Variants in OSBPL10 observed in about 807,000 individuals in gnomAD.
OSBPL10 encodes the protein oxysterol binding protein like 10.
Under a neutral mutation model 81.7 loss-of-function variants are expected in OSBPL10, and 49 were observed. That is an observed-to-expected ratio of 0.60 (90% CI 0.48 to 0.76). OSBPL10 has a LOEUF of 0.76. OSBPL10 is among the 30% of genes least tolerant of loss of function. The pLI is 0.00. For synonymous variants in OSBPL10, 419 were observed against 383.6 expected (o/e 1.09, Z -1.08); for missense variants, 923 against 987.8 (o/e 0.93, Z 0.88).
chr3:31,972,147 G>C (rs377464017), intron 1 of OSBPL10, among the ~76,000 whole-genome samples: 115 of 152,316 alleles, frequency 7.6e-4, no homozygotes, highest in African/African-American at 2.6e-3. Context: ...CCAGCACTTC[G>C]GGAGGCCAAG....
intron 6 of OSBPL10, among the ~76,000 whole-genome samples, chr3:31,721,120 T>G (rs1328452170): frequency 1.3e-5 from 2 of 151,872 alleles, no homozygotes; most frequent in African/African-American, 4.8e-5. Flanking sequence ...GGAAGCAGGG[T>G]CAATGCTGTT....
At chr3:31,835,979 T>C (rs1401826364) in intron 3 of OSBPL10, among the ~76,000 whole-genome samples, 1 of 152,242 alleles carries the variant, frequency 6.6e-6, no homozygotes, top group Non-Finnish European at 1.5e-5. Context: ...TTTTGCTTAA[T>C]TGCTTCATAT....
chr3:31,804,918 G>C (rs796596634), intron 4 of OSBPL10, among the ~76,000 whole-genome samples: 5 of 152,242 alleles, frequency 3.3e-5, no homozygotes, highest in African/African-American at 1.2e-4. Flanking sequence ...TGTTTGGTGG[G>C]AATGATTTTA....
chr3:31,792,651 CTGTGTGTGTGT>C (rs895488385), intron 4 of OSBPL10, among the ~76,000 whole-genome samples: 2 of 150,370 alleles, frequency 1.3e-5, no homozygotes, highest in African/African-American at 4.9e-5. Flanking sequence ...TCCAGACACA[CTGTGTGTGTGT>C]GGTGTGTGTG....
At chr3:31,713,624 T>C (rs2125621148) in intron 6 of OSBPL10, among the ~76,000 whole-genome samples, 1 of 152,278 alleles carries the variant, frequency 6.6e-6, no homozygotes, top group Admixed American at 6.5e-5. Context: ...CTTGAACTCC[T>C]GACCTCAAGT....
At chr3:31,973,701 G>C (rs748885562) in intron 1 of OSBPL10, among the ~76,000 whole-genome samples, 5 of 152,230 alleles carry the variant, frequency 3.3e-5, no homozygotes, top group African/African-American at 4.8e-5. Flanking sequence ...GCAACATGAA[G>C]ATGGCCAGGA....
intron 7 of OSBPL10, among the ~76,000 whole-genome samples, chr3:31,698,581 A>G (rs1695799644): frequency 6.6e-6 from 1 of 152,158 alleles, no homozygotes; most frequent in Admixed American, 6.5e-5. Context: ...ACGGCCCTAT[A>G]ACCTGCTGTC....
intron 3 of OSBPL10, among the ~76,000 whole-genome samples, chr3:31,874,071 A>G (rs547343720): frequency 3.3e-5 from 5 of 152,046 alleles, no homozygotes; most frequent in African/African-American, 1.2e-4. Context: ...ACCAGAGAAT[A>G]TATCAGGAAA....
chr3:32,043,643 T>A lies in OSBPL10; in HGVS notation n.298+2848A>T, dbSNP rs558606371. On this transcript the variant is annotated intron_variant and non_coding_transcript_variant, in intron 2 of 3. Coordinates refer to the OSBPL10 transcript ENST00000479173. ...GGATCCCTGACTTCTCACAACACTA[T>A]CACTCCTTTCTCCTAAGGCCAGCAC... Among the ~76,000 whole-genome samples, 3 of 152,292 alleles carry A rather than the reference T, an allele frequency of 2.0e-5. No individual in the cohort carries two copies. The South Asian group carries it at 6.2e-4, about 32-fold the overall frequency.
intron 4 of OSBPL10, among the ~76,000 whole-genome samples, chr3:31,817,963 G>A (rs1699885914): frequency 6.6e-6 from 1 of 152,148 alleles, no homozygotes; most frequent in South Asian, 2.1e-4. Context: ...AAATTAGCTG[G>A]GCATGGTGAT....
chr3:31,727,214 T>C (rs1377927035), intron 6 of OSBPL10, among the ~76,000 whole-genome samples: 2 of 152,142 alleles, frequency 1.3e-5, no homozygotes, highest in South Asian at 2.1e-4. Flanking sequence ...ATATAGGAGA[T>C]AGTGTAGTAT....
chr3:31,750,938 C>T (rs372255293), intron 4 of OSBPL10, among the ~76,000 whole-genome samples: 2 of 151,924 alleles, frequency 1.3e-5, no homozygotes, highest in African/African-American at 2.4e-5. Flanking sequence ...AACACGAAAC[C>T]GGCTTAGAGA....
At chr3:31,990,176 GAGAGAAA>G (rs1284521106) in intron 2 of OSBPL10, 14 of 1,613,920 alleles carry the variant, frequency 8.7e-6, no homozygotes, top group Non-Finnish European at 1.2e-5. Context: ...ATTCACACTG[GAGAGAAA>G]CCTTACAAGT....
intron 3 of OSBPL10, among the ~76,000 whole-genome samples, chr3:31,839,802 T>C: frequency 1.3e-5 from 2 of 150,628 alleles, no homozygotes; most frequent in Non-Finnish European, 3.0e-5. Context: ...GACTAGTTCC[T>C]GAATTAGAAA....
chr3:31,914,980 T>G (rs189706915), intron 1 of OSBPL10, among the ~76,000 whole-genome samples: 1 of 152,082 alleles, frequency 6.6e-6, no homozygotes, highest in African/African-American at 2.4e-5. Context: ...GTTTTTTCCC[T>G]TTGAGACAGA....
intron 3 of OSBPL10, among the ~76,000 whole-genome samples, chr3:31,868,301 T>C (rs1025694671): frequency 1.3e-5 from 2 of 152,150 alleles, no homozygotes; most frequent in South Asian, 2.1e-4. Flanking sequence ...AAAAAAGGCC[T>C]TTGCAAGCTG....
At chr3:31,825,211 G>A (rs949052696) in intron 4 of OSBPL10, among the ~76,000 whole-genome samples, 4 of 152,212 alleles carry the variant, frequency 2.6e-5, no homozygotes, top group Non-Finnish European at 4.4e-5. Flanking sequence ...TGGTTTTCTG[G>A]AGATAGAGCA....
chr3:31,825,169 G>A (rs1195770572), intron 4 of OSBPL10, among the ~76,000 whole-genome samples: 3 of 152,136 alleles, frequency 2.0e-5, no homozygotes, highest in Non-Finnish European at 4.4e-5. Flanking sequence ...GAGCAGAAAG[G>A]TGACATGATA....
At chr3:31,919,018 A>G (rs1696834870) in intron 1 of OSBPL10, among the ~76,000 whole-genome samples, 1 of 152,114 alleles carries the variant, frequency 6.6e-6, no homozygotes, top group South Asian at 2.1e-4. Context: ...GCCCCCAGTC[A>G]CACCCTATGT....
Sources: gnomAD v4.1 joint callset for allele counts (sites outside exome capture counted in the v4.1 genomes callset) on GRCh38, gnomAD v4.1.1 for gene constraint, MANE v1.5 for transcripts, NCBI Gene and HGNC (gene_info 2026-07-23, HGNC 2026-07-21) for gene names.